Variants in CRISP3 observed in about 807,000 individuals in gnomAD.
The protein encoded by CRISP3 is cysteine rich secretory protein 3.
In CRISP3, 33 loss-of-function variants were observed where a neutral mutation model predicts 36.1. That is an observed-to-expected ratio of 0.91 (90% CI 0.69 to 1.22). The LOEUF is 1.22. Ranked by LOEUF, CRISP3 falls within the 50% of genes most tolerant of loss-of-function variation. The pLI is 0.00. For missense variants in CRISP3, 330 were observed against 301.2 expected, an observed-to-expected ratio of 1.10 and a Z score of -0.71; for synonymous variants, 117 against 104.6, an observed-to-expected ratio of 1.12 and a Z score of -0.72.
chr6:49,741,624 T>G (rs1032581083), intron 1 of CRISP3, among the ~76,000 whole-genome samples: 16 of 147,852 alleles, frequency 1.1e-4, no homozygotes, highest in East Asian at 2.0e-4. Flanking sequence ...TTTTTTTTTT[T>G]TTTTTTTTTT....
intron 1 of CRISP3, among the ~76,000 whole-genome samples, chr6:49,742,976 G>A (rs1224522250): frequency 6.6e-6 from 1 of 152,154 alleles, no homozygotes; most frequent in Non-Finnish European, 1.5e-5. Context: ...GCACAGAAAA[G>A]TATTTGATGC....
Position 49,735,575 on chromosome 6 carries a change from G to T in CRISP3, c.245C>A (p.Ala82Asp), listed in dbSNP as rs1468314628. The T allele has an allele frequency of 6.2e-7, 1 of 1,612,276 alleles. No homozygotes were observed. The highest frequency in any genetic ancestry group is 1.7e-5 in the Admixed American group (1 of 59,894). ...NMLKMEWNKE[A>D]AANAQKWANQ... ...TGCCCACTTTTGGGCATTTGCTGCAGCCTCTTTGTTCCATTCCTGAAACAA... is the reference window on the plus strand; with the variant it reads ...TGCCCACTTTTGGGCATTTGCTGCATCCTCTTTGTTCCATTCCTGAAACAA... Residue 82 changes from alanine (A) to aspartate (D), a missense_variant, in exon 4 of 8, where the codon GCT becomes GAT. Ala to Asp is a moderately radical substitution (Grantham distance 126). Transcript: ENST00000263045.
intron 7 of CRISP3, among the ~76,000 whole-genome samples, chr6:49,729,859 C>G (rs1441058092): frequency 6.6e-6 from 1 of 152,098 alleles, no homozygotes; most frequent in Admixed American, 6.5e-5. Context: ...ATTGCTTCTT[C>G]CTACTACTGT....
Position 49,741,653 on chromosome 6 carries a change from A to T in CRISP3, c.37+2678T>A, listed in dbSNP as rs553055902. 4.2e-5 allele frequency among the ~76,000 whole-genome samples: 6 copies of T among 141,780 alleles called. No individual in the cohort carries two copies. The East Asian group carries it at 1.2e-3, about 29-fold the overall frequency. The allele number at this position is 141,780 out of a possible 152,430, so 93.0% of individuals were successfully genotyped here. On this transcript the variant is annotated intron_variant, in intron 1 of 7. Transcript: ENST00000263045. ...TTTTTTTAAAGAAAAAATAGAAGAG[A>T]TCATTACTTTGGTAGGAAGCATATA... is the stretch of plus-strand genomic sequence containing the variant.
At chr6:49,735,393 G>C (rs1479177094) in intron 4 of CRISP3, 111 bp downstream of exon 4, 1 of 746,430 alleles carries the variant, frequency 1.3e-6, no homozygotes, top group African/African-American at 1.7e-5. Flanking sequence ...TATTGAAAAA[G>C]GTAGCATTAG....
In CRISP3 at chr6:49,728,704, A is replaced by G. The variant is rs368533417; in HGVS notation, c.*26T>C. 2.5e-5 allele frequency: 39 copies of G among 1,589,726 alleles called. No homozygotes were observed. The East Asian group carries it at 7.5e-4, about 30-fold the overall frequency. On this transcript the variant is annotated 3_prime_UTR_variant, in exon 8 of 8. Transcript: ENST00000263045. ...TAGATAATCTGACTCCTCTCTACAT[A>G]GCCCTACTCGGTGTGTAATGCGTAT...
rs1178624239 is a variant in CRISP3 at position 49,727,832 on chromosome 6, A to G, written c.*898T>C. The G allele has an allele frequency of 1.3e-5, 2 of 152,184 alleles. No individual in the cohort carries two copies. The highest frequency in any genetic ancestry group is 4.8e-5 in the African/African-American group (2 of 41,468). The allele number at this position is 152,184 out of a possible 1,614,324, so 9.4% of individuals were successfully genotyped here. On this transcript the variant is annotated 3_prime_UTR_variant, in exon 8 of 8. Coordinates refer to ENST00000263045, the MANE Select transcript of CRISP3 (RefSeq NM_006061.4). ...GGGATTATGAATTTTTAGAAAGATT[A>G]TCTAGAACAAATCTGAATGACTTAT...
At chr6:49,736,557 A>C in intron 2 of CRISP3, 50 bp from the exon 3 acceptor site, 1 of 1,279,442 alleles carries the variant, frequency 7.8e-7, no homozygotes. Context: ...TGGAAATTGC[A>C]CATAATAGTA....
chr6:49,733,398 T>C, intron 5 of CRISP3, 106 bp from the exon 6 acceptor site: 1 of 808,936 alleles, frequency 1.2e-6, no homozygotes. Flanking sequence ...CCGACATATT[T>C]TGTTTTCATA....
rs1231478435 is a variant in CRISP3 at position 49,728,771 on chromosome 6, T to C, written c.736A>G (p.Ser246Gly). 1 of 1,612,230 alleles carries C rather than the reference T, an allele frequency of 6.2e-7. No individual in the cohort carries two copies. The highest frequency in any genetic ancestry group is 1.1e-5 in the South Asian group (1 of 90,596). The stretch of plus-strand genomic sequence containing the variant: ...GAACAATTGCAGGAGGCCTTGCAAC[T>C]GTCCCTGACCAACTGATGTTTACAG... ...LTCKHQLVRD[S>G]CKASCNCSNS... The change falls in exon 8 of 8, where the codon AGT becomes GGT. Residue 246 changes from serine to glycine, a missense_variant. By Grantham distance (56) the Ser-to-Gly change is moderately conservative (BLOSUM62 0). Transcript: ENST00000263045.
chr6:49,731,080 T>G (rs1768904543), intron 7 of CRISP3, 83 bp downstream of exon 7: 1 of 988,562 alleles, frequency 1.0e-6, no homozygotes, highest in Admixed American at 2.3e-5. Flanking sequence ...ATTGCTTAAG[T>G]TGGTTGTCTT....
At position 49,733,274 on chromosome 6, in the gene CRISP3, A is replaced by G. The variant is rs755691145; in HGVS notation, c.481T>C (p.Tyr161His). ...HYTQVVWYSS[Y>H]LVGCGNAYCP... ...TAGGCATTTCCACATCCAACGAGGTATGAAGAGTACCAAACAACCTATAAA... is the reference window on the plus strand; with the variant it reads ...TAGGCATTTCCACATCCAACGAGGTGTGAAGAGTACCAAACAACCTATAAA... Residue 161 changes from tyrosine to histidine, a missense_variant, in exon 6 of 8, where the codon TAC becomes CAC. Transcript: ENST00000263045. 31 of 1,610,306 alleles carry G rather than the reference A, an allele frequency of 1.9e-5. 1 individual carries two copies. The South Asian group carries it at 3.3e-4, about 17-fold the overall frequency.
At chr6:49,744,289 A>G in intron 1 of CRISP3, 42 bp downstream of exon 1, 1 of 1,399,890 alleles carries the variant, frequency 7.1e-7, no homozygotes, top group Non-Finnish European at 9.7e-7. Context: ...TTCACCTTGA[A>G]ATAAATAATG....
rs1768972441 is a variant in CRISP3 at position 49,733,730 on chromosome 6, G to A, written c.435C>T (p.Pro145=). The change falls in exon 5 of 8, where the codon CCC becomes CCT. Residue 145 remains proline (P), a synonymous_variant. Transcript: ENST00000263045. ...DFDFGVGPKT[P]NAVVGHYTQV... is the part of the protein sequence containing the mutation. ...GTGTATAATGTCCAACCACTGCGTT[G>A]GGAGTCTTTGGCCCTACACCAAAGT... is the stretch of plus-strand genomic sequence containing the variant. 1 of 1,613,392 alleles carries A rather than the reference G, an allele frequency of 6.2e-7. No individual in the cohort carries two copies. The highest frequency in any genetic ancestry group is 8.5e-7 in the Non-Finnish European group (1 of 1,179,490).
intron 1 of CRISP3, 182 bp from the exon 2 acceptor site, chr6:49,737,580 T>C (rs1214832352): frequency 7.6e-6 from 5 of 657,880 alleles, no homozygotes; most frequent in African/African-American, 1.8e-5. Flanking sequence ...TTTCAAAGTA[T>C]GCATTCAACT....
intron 6 of CRISP3, 135 bp downstream of exon 6, chr6:49,733,060 G>A (rs1261602856): frequency 4.1e-6 from 2 of 489,732 alleles, no homozygotes; most frequent in African/African-American, 4.0e-5. Context: ...TTGGTTGAAT[G>A]TGTCTCAACT....
Position 49,736,399 on chromosome 6 carries a change from G to A in CRISP3, c.220C>T (p.Leu74=). Residue 74 remains leucine, a synonymous_variant, in exon 3 of 8, where the codon CTG becomes TTG. Coordinates refer to ENST00000263045, the MANE Select transcript of CRISP3 (RefSeq NM_006061.4). ...GCAATATCACCTCTTACCATCTTCAGCATGTTTCTGGCAGGGGGAGATACT... is the reference window on the plus strand; with the variant it reads ...GCAATATCACCTCTTACCATCTTCAACATGTTTCTGGCAGGGGGAGATACT... ...RAVSPPARNM[L]KMEWNKEAAA... is the part of the protein sequence containing the mutation. The A allele has an allele frequency of 6.2e-7, 1 of 1,606,352 alleles. No homozygotes were observed. Among genetic ancestry groups the A allele is most frequent in the Non-Finnish European group, 8.5e-7 (1 of 1,173,494 alleles).
chr6:49,728,703 T>C lies in CRISP3; in HGVS notation c.*27A>G. On this transcript the variant is annotated 3_prime_UTR_variant, in exon 8 of 8. Transcript: ENST00000263045. ...GTAGATAATCTGACTCCTCTCTACA[T>C]AGCCCTACTCGGTGTGTAATGCGTA... 1.3e-6 allele frequency: 2 copies of C among 1,589,886 alleles called. No individual in the cohort carries two copies. The highest frequency in any genetic ancestry group is 2.3e-5 in the East Asian group (1 of 44,094).
intron 1 of CRISP3, among the ~76,000 whole-genome samples, chr6:49,739,396 T>C (rs771965773): frequency 6.6e-6 from 1 of 152,198 alleles, no homozygotes; most frequent in Non-Finnish European, 1.5e-5. Context: ...AGTCCTGGTA[T>C]ATAATTACGG....
Sources: gnomAD v4.1 joint callset for allele counts (sites outside exome capture counted in the v4.1 genomes callset) on GRCh38, gnomAD v4.1.1 for gene constraint, MANE v1.5 for transcripts, NCBI Gene and HGNC (gene_info 2026-07-23, HGNC 2026-07-21) for gene names.